RPS6KA1: variants seen among roughly 807,000 people sequenced by gnomAD.
The protein encoded by RPS6KA1 is ribosomal protein S6 kinase alpha-1.
A neutral mutation model predicts 91.3 loss-of-function variants in RPS6KA1; 48 were observed. The ratio of observed to expected loss-of-function variants is 0.53; its 90% CI spans 0.42 to 0.67. The LOEUF (loss-of-function observed/expected upper bound fraction) is 0.67, where lower values mean the gene tolerates loss of function less well. Ranked by LOEUF, RPS6KA1 falls within the 30% of genes least tolerant of loss-of-function variation. RPS6KA1 has a pLI of 0.00. For synonymous variants in RPS6KA1, 359 were observed against 384.7 expected (o/e 0.93, Z 0.78); for missense variants, 719 against 960.5 (o/e 0.75, Z 3.32).
intron 14 of RPS6KA1, 36 bp from the exon 15 acceptor site, chr1:26,560,690 A>C: frequency 6.2e-7 from 1 of 1,613,778 alleles, no homozygotes; most frequent in Non-Finnish European, 8.5e-7. Flanking sequence ...AGCACTCTAG[A>C]GCCAGGGGTC....
intron 17 of RPS6KA1, among the ~76,000 whole-genome samples, chr1:26,570,324 A>C (rs2076238691): frequency 6.6e-6 from 1 of 152,174 alleles, no homozygotes; most frequent in East Asian, 1.9e-4. Context: ...GTCTCTGCAA[A>C]AAATGTTTTA....
chr1:26,571,811 C>T lies in RPS6KA1; in HGVS notation c.1753-38C>T. ...AAACATCTGTGGCGACTTTCTACTG[C>T]CCCCCCAGACTGACCACCTCCCCTG... On this transcript the variant is annotated intron_variant, in intron 18 of 21. Transcript: ENST00000374168. The surrounding 1 kb of genome is among the most constrained non-coding windows in gnomAD (Gnocchi z 5.1). 2 of 1,576,062 alleles carry T rather than the reference C, an allele frequency of 1.3e-6. No homozygotes were observed. The highest frequency in any genetic ancestry group is 2.3e-5 in the East Asian group (1 of 44,252).
Position 26,555,105 on chromosome 1 carries a change from G to A in RPS6KA1, c.757-46G>A. 1 of 1,588,814 alleles carries A rather than the reference G, an allele frequency of 6.3e-7. No homozygotes were observed. The highest frequency in any genetic ancestry group is 8.6e-7 in the Non-Finnish European group (1 of 1,157,498). On this transcript the variant is annotated intron_variant, in intron 9 of 21. Coordinates refer to ENST00000374168, the MANE Select transcript of RPS6KA1 (RefSeq NM_002953.4). The surrounding 1 kb of genome is among the most constrained non-coding windows in gnomAD (Gnocchi z 4.3). ...CTGACTGGGAGGAGGCGGGAGGTGT[G>A]TCGGAGACAGGGATCAGAGCCTGAA...
chr1:26,557,811 T>TC (rs2076117297), intron 13 of RPS6KA1, among the ~76,000 whole-genome samples: 1 of 58,948 alleles, frequency 1.7e-5, no homozygotes, highest in Non-Finnish European at 3.1e-5. Flanking sequence ...CCCCTCCCCT[T>TC]CCCTCTCCTT....
intron 17 of RPS6KA1, among the ~76,000 whole-genome samples, chr1:26,566,181 C>A (rs2076199943): frequency 6.6e-6 from 1 of 151,808 alleles, no homozygotes; most frequent in Non-Finnish European, 1.5e-5. Context: ...ACACTCCCAA[C>A]AGAAGTGTGT....
rs760488453 is a variant in RPS6KA1 at position 26,571,454 on chromosome 1, G to A, written c.1596G>A (p.Val532=). The A allele has an allele frequency of 4.3e-6, 7 of 1,614,140 alleles. No homozygotes were observed. The highest frequency in any genetic ancestry group is 5.9e-6 in the Non-Finnish European group (7 of 1,180,020). The part of the protein sequence containing the change: ...TVEYLHSQGV[V]HRDLKPSNIL... ...CCCCAGCCCCCTGCCCCTAGGTTGT[G>A]CACAGGGACCTGAAGCCCAGCAACA... Residue 532 remains valine (V), a synonymous_variant, in exon 18 of 22, where the codon GTG becomes GTA. Transcript: ENST00000374168. This position sits in a 1 kb window ranked among gnomAD's most constrained non-coding sequence, Gnocchi z 5.1.
Position 26,553,423 on chromosome 1 carries a change from C to T in RPS6KA1, c.501C>T (p.Tyr167=). Residue 167 remains tyrosine (Y), a synonymous_variant, in exon 7 of 22, where the codon TAC becomes TAT. Coordinates refer to ENST00000374168, the MANE Select transcript of RPS6KA1 (RefSeq NM_002953.4). ...TCACGGAGGAGGATGTGAAGTTTTA[C>T]CTGGCTGAGCTGGCTCTGGGCCTGG... ...VMFTEEDVKF[Y]LAELALGLDH... is the part of the protein sequence containing the mutation. 1 of 1,613,104 alleles carries T rather than the reference C, an allele frequency of 6.2e-7. No individual in the cohort carries two copies.
intron 17 of RPS6KA1, among the ~76,000 whole-genome samples, chr1:26,565,978 T>A (rs1320866377): frequency 6.6e-6 from 1 of 152,212 alleles, no homozygotes; most frequent in Non-Finnish European, 1.5e-5. Context: ...AACTCTACTG[T>A]ATGTATAATT....
chr1:26,532,038 G>A (rs1308724647), intron 1 of RPS6KA1, among the ~76,000 whole-genome samples: 2 of 152,214 alleles, frequency 1.3e-5, no homozygotes, highest in Non-Finnish European at 2.9e-5. Flanking sequence ...AGCCAGGAAG[G>A]AGGCAGGTGA....
chr1:26,547,701 C>G lies in RPS6KA1; in HGVS notation c.307+431C>G. The G allele has an allele frequency of 4.8e-6, 1 of 208,696 alleles. No individual in the cohort carries two copies. Among genetic ancestry groups the G allele is most frequent in the Admixed American group, 5.2e-5 (1 of 19,172 alleles). 12.9% of individuals were successfully genotyped at this position (208,696 alleles called of 1,614,324 possible). A position where few individuals can be genotyped will look rare whatever the true frequency, so the allele number is the denominator to read the frequency against. On this transcript the variant is annotated intron_variant, in intron 4 of 21. Transcript: ENST00000374168. This position sits in a 1 kb window ranked among gnomAD's most constrained non-coding sequence, Gnocchi z 4.1. ...AAGAGAGGGTGAGTCCAGGCAGGGC[C>G]ACAGAGCTGGATGGCAGAGAGGTTC...
At chr1:26,536,730 G>A (rs750284429) in intron 1 of RPS6KA1, among the ~76,000 whole-genome samples, 195 bp from the exon 2 acceptor site, 11 of 152,208 alleles carry the variant, frequency 7.2e-5, no homozygotes, top group Non-Finnish European at 1.0e-4. Flanking sequence ...GTCATGAGGC[G>A]CCATTGCCAG....
chr1:26,532,474 G>A (rs2075874756), intron 1 of RPS6KA1, among the ~76,000 whole-genome samples: 1 of 152,154 alleles, frequency 6.6e-6, no homozygotes, highest in Admixed American at 6.5e-5. Flanking sequence ...GGGAAGGGCT[G>A]GAGCCACACT....
chr1:26,547,319 G>A lies in RPS6KA1; in HGVS notation c.307+49G>A, dbSNP rs1191377124. ...CAGAACCCAGGCTTGGCTGAGGGAG[G>A]CAGCCCAGACTTCAAGGGCCTTGGG... is the stretch of plus-strand genomic sequence containing the variant. On this transcript the variant is annotated intron_variant, in intron 4 of 21. Transcript: ENST00000374168. This position sits in a 1 kb window ranked among gnomAD's most constrained non-coding sequence, Gnocchi z 4.1. 6.5e-7 allele frequency: 1 copy of A among 1,532,306 alleles called. No homozygotes were observed. The highest frequency in any genetic ancestry group is 2.3e-5 in the East Asian group (1 of 43,636). The allele number at this position is 1,532,306 out of a possible 1,614,324, so 94.9% of individuals were successfully genotyped here.
intron 12 of RPS6KA1, 75 bp downstream of exon 12, chr1:26,556,793 GAGCCTCTGCCAGCGAGGGC>G: frequency 1.3e-6 from 2 of 1,556,406 alleles, no homozygotes. Context: ...GGTGGGAGGG[GAGCCTCTGCCAGCGAGGGC>G]CCCAGACGCA....
At position 26,555,533 on chromosome 1, in the gene RPS6KA1, T is replaced by C; in HGVS notation, c.828-4T>C. On this transcript the variant is annotated splice_polypyrimidine_tract_variant and splice_region_variant and intron_variant, in intron 10 of 21. Coordinates refer to ENST00000374168, the MANE Select transcript of RPS6KA1 (RefSeq NM_002953.4). The surrounding 1 kb of genome is among the most constrained non-coding windows in gnomAD (Gnocchi z 4.3). ...GCCTTGATGAGTCCCGGGGGCTGTT[T>C]CAGGGCGAAGCTAGGCATGCCCCAG... 1 of 1,583,736 alleles carries C rather than the reference T, an allele frequency of 6.3e-7. No homozygotes were observed. The highest frequency in any genetic ancestry group is 1.3e-5 in the African/African-American group (1 of 74,214).
At chr1:26,545,459 A>G (rs2075985813) in intron 2 of RPS6KA1, among the ~76,000 whole-genome samples, 1 of 150,418 alleles carries the variant, frequency 6.6e-6, no homozygotes, top group African/African-American at 2.5e-5. Flanking sequence ...TACAGGCATG[A>G]TGGATGCCAT....
rs1557516814 is a variant in RPS6KA1, at chr1:26,571,018, G to GA, written c.1591-430dup. ...GGTGCCTGTAATCCCAGCTACTTGGGAGCTGAGGCAGGAGAATTGCTTGAA... is the reference window on the plus strand; with the variant it reads ...GGTGCCTGTAATCCCAGCTACTTGGGAAGCTGAGGCAGGAGAATTGCTTGAA... On this transcript the variant is annotated intron_variant, in intron 17 of 21. Coordinates refer to ENST00000374168, the MANE Select transcript of RPS6KA1 (RefSeq NM_002953.4). The surrounding 1 kb of genome is among the most constrained non-coding windows in gnomAD (Gnocchi z 5.1). 7.7e-6 allele frequency among the ~76,000 whole-genome samples: 1 copy of GA among 130,076 alleles called. No individual in the cohort carries two copies. Among genetic ancestry groups the GA allele is most frequent in the Non-Finnish European group, 1.6e-5 (1 of 62,906 alleles). 85.3% of individuals were successfully genotyped at this position (130,076 alleles called of 152,430 possible).
chr1:26,567,020 A>T (rs1557514282), intron 17 of RPS6KA1, among the ~76,000 whole-genome samples: 5 of 146,394 alleles, frequency 3.4e-5, no homozygotes, highest in Admixed American at 6.8e-5. Flanking sequence ...TTACATATTA[A>T]CTTTTTTTTT....
intron 1 of RPS6KA1, chr1:26,530,677 T>G: frequency 5.2e-6 from 6 of 1,157,136 alleles, no homozygotes; most frequent in Non-Finnish European, 6.7e-6. Flanking sequence ...TAGGAAGGGC[T>G]GGGCCCTTGG....
Sources: gnomAD v4.1 joint callset for allele counts (sites outside exome capture counted in the v4.1 genomes callset) on GRCh38, gnomAD v4.1.1 for gene constraint, Gnocchi (gnomAD v3.1) non-coding constraint, MANE v1.5 for transcripts, NCBI Gene and HGNC (gene_info 2026-07-23, HGNC 2026-07-21) for gene names.